Variants in MYL6 observed in about 807,000 individuals in gnomAD.
MYL6 encodes myosin light polypeptide 6.
A neutral mutation model predicts 20.3 loss-of-function variants in MYL6; 20 were observed. The ratio of observed to expected loss-of-function variants is 0.98; its 90% CI spans 0.69 to 1.43. The LOEUF is 1.43. Ranked by LOEUF, MYL6 falls within the 40% of genes most tolerant of loss-of-function variation. The probability of loss-of-function intolerance (pLI) is 0.00; values close to 1 mark genes in which losing one functional copy is unlikely to be tolerated. For missense variants in MYL6, 164 were observed against 191.0 expected (o/e 0.86, Z 0.83); for synonymous variants, 77 against 72.4 (o/e 1.06, Z -0.32).
Position 56,160,107 on chromosome 12 carries a change from C to T in MYL6, c.308C>T (p.Thr103Ile). ...LRVFDKEGNG[T>I]VMGAEIRHVL... ...GTGTTTGACAAGGAAGGAAATGGCACCGTCATGGGTGCTGAAATCCGGCAT... is the reference window on the plus strand; with the variant it reads ...GTGTTTGACAAGGAAGGAAATGGCATCGTCATGGGTGCTGAAATCCGGCAT... The change falls in exon 4 of 7, where the codon ACC (threonine) becomes ATC (isoleucine). Residue 103 changes from threonine to isoleucine, a missense_variant. By Grantham distance (89) the Thr-to-Ile change is moderately conservative (BLOSUM62 -1). Coordinates refer to ENST00000550697, the MANE Select transcript of MYL6 (RefSeq NM_021019.5). 6.2e-7 allele frequency: 1 copy of T among 1,614,166 alleles called. No homozygotes were observed. Among genetic ancestry groups the T allele is most frequent in the Non-Finnish European group, 8.5e-7 (1 of 1,180,026 alleles).
At chr12:56,161,316 T>C in intron 6 of MYL6, 71 bp from the exon 7 acceptor site, 1 of 1,576,156 alleles carries the variant, frequency 6.3e-7, no homozygotes. Context: ...TGCAGTCTGG[T>C]AGTCCCCTGG....
In MYL6 at chr12:56,159,606, G is replaced by A; in HGVS notation, c.51G>A (p.Gln17=). ...CCTCAGAGTTCAAGGAGGCCTTCCA[G>A]CTGTTTGACCGAACAGGTGATGGCA... The part of the protein sequence containing the change: ...DQTAEFKEAF[Q]LFDRTGDGKI... Residue 17 remains glutamine (Q), a synonymous_variant, in exon 3 of 7, where the codon CAG becomes CAA. Coordinates refer to ENST00000550697, the MANE Select transcript of MYL6 (RefSeq NM_021019.5). The A allele has an allele frequency of 6.2e-7, 1 of 1,613,768 alleles. No individual in the cohort carries two copies.
At chr12:56,158,848 C>T in intron 2 of MYL6, 137 bp downstream of exon 2, 1 of 1,506,400 alleles carries the variant, frequency 6.6e-7, no homozygotes, top group Non-Finnish European at 8.8e-7. Flanking sequence ...TTCTCTTCTT[C>T]TGGATCCTCC....
intron 1 of MYL6, 36 bp from the exon 2 acceptor site, chr12:56,158,648 G>A: frequency 6.2e-7 from 1 of 1,614,092 alleles, no homozygotes; most frequent in Non-Finnish European, 8.5e-7. Context: ...GGGGATTGGC[G>A]TTCAGATGCT....
intron 2 of MYL6, 161 bp downstream of exon 2, chr12:56,158,872 A>G: frequency 6.8e-7 from 1 of 1,460,920 alleles, no homozygotes; most frequent in Non-Finnish European, 9.0e-7. Flanking sequence ...TTCTTTTCTC[A>G]CTTTCTTCCT....
intron 6 of MYL6, 28 bp from the exon 7 acceptor site, chr12:56,161,359 T>A (rs970121248): frequency 1.9e-6 from 3 of 1,614,094 alleles, no homozygotes; most frequent in Non-Finnish European, 2.5e-6. Context: ...CCCTGTTCCC[T>A]GGCTCATCCC....
rs752254297 is a variant in MYL6 at position 56,161,433 on chromosome 12, CCA to C, written c.*64_*65del. 1.2e-6 allele frequency: 2 copies of C among 1,614,012 alleles called. No individual in the cohort carries two copies. The highest frequency in any genetic ancestry group is 1.7e-6 in the Non-Finnish European group (2 of 1,179,964). On this transcript the variant is annotated 3_prime_UTR_variant, in exon 7 of 7. Transcript: ENST00000550697. ...ATGGCTGAGGACCTTCCCAGTCTCC[CCA>C]GAGTCCGTGCCTTTCCCTGTGTGAA...
Position 56,158,370 on chromosome 12 carries a change from A to G in MYL6, c.-32A>G. The G allele has an allele frequency of 6.6e-7, 1 of 1,517,266 alleles. No individual in the cohort carries two copies. Among genetic ancestry groups the G allele is most frequent in the Non-Finnish European group, 8.8e-7 (1 of 1,135,506 alleles). 94.0% of individuals were successfully genotyped at this position (1,517,266 alleles called of 1,614,324 possible). On this transcript the variant is annotated 5_prime_UTR_variant, in exon 1 of 7. Transcript: ENST00000550697. ...GGCCGAGAGTCGGAGCCATTACTGC[A>G]GGAAAAGGTCCCGGAGAGCTGAGCA...
At chr12:56,160,570 C>G in intron 5 of MYL6, 56 bp from the exon 6 acceptor site, 1 of 1,587,010 alleles carries the variant, frequency 6.3e-7, no homozygotes, top group Non-Finnish European at 8.7e-7. Flanking sequence ...ACTGCCTGAC[C>G]CCTCACCCCA....
At chr12:56,160,412 C>T in intron 5 of MYL6, 92 bp downstream of exon 5, 1 of 1,563,828 alleles carries the variant, frequency 6.4e-7, no homozygotes, top group Non-Finnish European at 8.8e-7. Flanking sequence ...TGGACTTGGG[C>T]TCCAAAAAGA....
chr12:56,159,170 T>A, intron 2 of MYL6: 1 of 292,646 alleles, frequency 3.4e-6, no homozygotes, highest in Non-Finnish European at 6.4e-6. Context: ...GATATGACTG[T>A]AGCTATACCC....
rs1592260370 is a variant in MYL6, at chr12:56,159,466, TAC to T, written c.32-119_32-118del. 3.8e-6 allele frequency: 5 copies of T among 1,325,602 alleles called. No individual in the cohort carries two copies. In the East Asian group the frequency reaches 9.3e-5, roughly 25 times the overall value. The allele number at this position is 1,325,602 out of a possible 1,614,324, so 82.1% of individuals were successfully genotyped here. A position where few individuals can be genotyped will look rare whatever the true frequency, so the allele number is the denominator to read the frequency against. ...GAGCCCTCTTAAGTAGACTTTGGTG[TAC>T]AGTTTGGTGCAGATATCTCGTTTCC... On this transcript the variant is annotated intron_variant, in intron 2 of 6. Transcript: ENST00000550697.
rs1367880431 is a variant in MYL6, at chr12:56,160,895, C to T, written c.*16+225C>T. On this transcript the variant is annotated intron_variant, in intron 6 of 6. Transcript: ENST00000550697. The stretch of plus-strand genomic sequence containing the variant: ...AATGGGCCCTGAGGTTTTACTTATG[C>T]GGCCCTGGGTGCTGGTGTCTGGGAA... The T allele has an allele frequency of 5.5e-5, 33 of 596,242 alleles. 1 individual carries two copies. Among genetic ancestry groups the T allele is most frequent in the Admixed American group, 1.5e-4 (5 of 32,920 alleles). The allele number at this position is 596,242 out of a possible 1,614,324, so 36.9% of individuals were successfully genotyped here.
In MYL6 at chr12:56,158,859, A is replaced by G. The variant is rs147678469; in HGVS notation, c.31+148A>G. On this transcript the variant is annotated intron_variant, in intron 2 of 6. Coordinates refer to ENST00000550697, the MANE Select transcript of MYL6 (RefSeq NM_021019.5). ...TATTTTCTCTTCTTCTGGATCCTCC[A>G]TTTTCTTTTCTCACTTTCTTCCTCC... The G allele has an allele frequency of 6.3e-5, 94 of 1,485,480 alleles. No homozygotes were observed. The African/African-American group carries it at 1.0e-3, about 16-fold the overall frequency. 92.0% of individuals were successfully genotyped at this position (1,485,480 alleles called of 1,614,324 possible). A position where few individuals can be genotyped will look rare whatever the true frequency, so the allele number is the denominator to read the frequency against.
At chr12:56,161,197 G>A (rs1184847357) in intron 6 of MYL6, 190 bp from the exon 7 acceptor site, 5 of 658,140 alleles carry the variant, frequency 7.6e-6, no homozygotes, top group Non-Finnish European at 1.4e-5. Context: ...ACTAACAGCT[G>A]CTGGGAGGGG....
At chr12:56,158,651 C>A (rs1871488270) in intron 1 of MYL6, 33 bp from the exon 2 acceptor site, 1 of 1,614,018 alleles carries the variant, frequency 6.2e-7, no homozygotes, top group Admixed American at 1.7e-5. Context: ...GATTGGCGTT[C>A]AGATGCTGAC....
intron 6 of MYL6, chr12:56,161,114 G>A (rs1871809919): frequency 1.7e-6 from 1 of 592,556 alleles, no homozygotes; most frequent in South Asian, 2.0e-5. Flanking sequence ...GCCAGTGGCT[G>A]ACAGTAGCTG....
chr12:56,158,505 C>T, intron 1 of MYL6, 101 bp downstream of exon 1: 1 of 1,594,826 alleles, frequency 6.3e-7, no homozygotes, highest in South Asian at 1.1e-5. Flanking sequence ...CAAAGGGAAT[C>T]TGAGGACCCG....
In MYL6 at chr12:56,160,259, G is replaced by T. The variant is rs1131523; in HGVS notation, c.366G>T (p.Glu122Asp). ...VLVTLGEKMTEEEVEMLVAGH... is the reference protein window; with the variant it reads ...VLVTLGEKMTDEEVEMLVAGH... Reference sequence around the variant, plus strand: ...CCCCTGCAGGTGAGAAGATGACAGAGGAAGAAGTAGAGATGCTGGTGGCAG... The same window carrying T: ...CCCCTGCAGGTGAGAAGATGACAGATGAAGAAGTAGAGATGCTGGTGGCAG... The change falls in exon 5 of 7, where the codon GAG (glutamate) becomes GAT (aspartate). Residue 122 changes from glutamate to aspartate, a missense_variant. Transcript: ENST00000550697. 15 of 1,614,124 alleles carry T rather than the reference G, an allele frequency of 9.3e-6. No homozygotes were observed. Among genetic ancestry groups the T allele is most frequent in the Non-Finnish European group, 1.3e-5 (15 of 1,180,050 alleles).
Sources: gnomAD v4.1 joint callset for allele counts on GRCh38, gnomAD v4.1.1 for gene constraint, MANE v1.5 for transcripts, NCBI Gene and HGNC (gene_info 2026-07-23, HGNC 2026-07-21) for gene names.